The following PMEPA1 variants were observed in gnomAD, a reference collection of about 807,000 sequenced individuals.
The protein encoded by PMEPA1 is protein TMEPAI.
A neutral mutation model predicts 23.0 loss-of-function variants in PMEPA1; 11 were observed. The ratio of observed to expected loss-of-function variants is 0.48; its 90% CI spans 0.30 to 0.79. The LOEUF (loss-of-function observed/expected upper bound fraction) is 0.79. Ranked by LOEUF, PMEPA1 falls within the 30% of genes least tolerant of loss-of-function variation. PMEPA1 has a pLI of 0.06. For synonymous variants in PMEPA1, 204 were observed against 166.4 expected, an observed-to-expected ratio of 1.23 and a Z score of -1.74; for missense variants, 377 against 390.9, an observed-to-expected ratio of 0.96 and a Z score of 0.30.
chr20:57,706,540 T>C (rs949706328), intron 1 of PMEPA1, among the ~76,000 whole-genome samples: 11 of 151,902 alleles, frequency 7.2e-5, no homozygotes, highest in African/African-American at 2.7e-4. Context: ...CCCTCGACTC[T>C]CAGAAAAAAT....
In PMEPA1 at chr20:57,683,601, T is replaced by C. The variant is rs902559429; in HGVS notation, c.110-23904A>G. ...TGTGTGTGTTTCTTTTAAAAGTCTC[T>C]TCCCCTGAAAATACTTCATGTTGAT... is the stretch of plus-strand genomic sequence containing the variant. On this transcript the variant is annotated intron_variant, in intron 1 of 3. Transcript: ENST00000341744. This position sits in a 1 kb window ranked among gnomAD's most constrained non-coding sequence, Gnocchi z 4.3. 3.1e-5 allele frequency among the ~76,000 whole-genome samples: 4 copies of C among 130,566 alleles called. No homozygotes were observed. The highest frequency in any genetic ancestry group is 4.8e-5 in the Non-Finnish European group (3 of 62,674). 85.7% of individuals were successfully genotyped at this position (130,566 alleles called of 152,430 possible).
chr20:57,701,015 G>C (rs1042095443), intron 1 of PMEPA1, among the ~76,000 whole-genome samples: 1 of 150,240 alleles, frequency 6.7e-6, no homozygotes, highest in Non-Finnish European at 1.5e-5. Flanking sequence ...GGGTGACAGA[G>C]CAAGACTCCA....
At chr20:57,658,883 C>T (rs978965413) in intron 2 of PMEPA1, among the ~76,000 whole-genome samples, 1 of 152,192 alleles carries the variant, frequency 6.6e-6, no homozygotes, top group African/African-American at 2.4e-5. Context: ...ACCACTACCC[C>T]GGTGGGTAAG....
At chr20:57,666,649 C>T (rs1269755878) in intron 1 of PMEPA1, among the ~76,000 whole-genome samples, 1 of 152,218 alleles carries the variant, frequency 6.6e-6, no homozygotes, top group Non-Finnish European at 1.5e-5. Context: ...CCTGGCGTGT[C>T]GCCCCCAACG....
At chr20:57,705,152 C>T (rs903826629) in intron 1 of PMEPA1, among the ~76,000 whole-genome samples, 6 of 152,186 alleles carry the variant, frequency 3.9e-5, no homozygotes, top group African/African-American at 1.4e-4. Context: ...TGTGTCTGCA[C>T]GTGTGCGCAT....
Position 57,648,626 on chromosome 20 carries a change from G to C in PMEPA1, c.*3427C>G, listed in dbSNP as rs1271834945. On this transcript the variant is annotated 3_prime_UTR_variant, in exon 4 of 4. Coordinates refer to ENST00000341744, the MANE Select transcript of PMEPA1 (RefSeq NM_020182.5). ...GGAAATGGGGCTGCAAAGGAGAGCA[G>C]TTCCCACGCCAGGAACCAACGTGAA... 1 of 152,412 alleles carries C rather than the reference G, an allele frequency of 6.6e-6. No homozygotes were observed. The highest frequency in any genetic ancestry group is 1.5e-5 in the Non-Finnish European group (1 of 68,072). The allele number at this position is 152,412 out of a possible 1,614,324, so 9.4% of individuals were successfully genotyped here. A position where few individuals can be genotyped will look rare whatever the true frequency, so the allele number is the denominator to read the frequency against.
intron 1 of PMEPA1, among the ~76,000 whole-genome samples, chr20:57,668,162 G>A (rs1338944475): frequency 6.6e-6 from 1 of 152,144 alleles, no homozygotes; most frequent in East Asian, 1.9e-4. Flanking sequence ...TCCCATGTTG[G>A]GGAGGGACGC....
Position 57,692,049 on chromosome 20 carries a change from G to A in PMEPA1, c.109+17425C>T, listed in dbSNP as rs191320696. Among the ~76,000 whole-genome samples the A allele has an allele frequency of 7.2e-4, 109 of 152,240 alleles. 2 individuals are homozygous for A. Among genetic ancestry groups the A allele is most frequent in the Admixed American group, 5.8e-3 (88 of 15,304 alleles). ...CTCCCTTTTCACGGGTAGGTCCCGG[G>A]GCTTACGGAGCCACCACTCCTCCAA... On this transcript the variant is annotated intron_variant, in intron 1 of 3. Transcript: ENST00000341744.
chr20:57,698,166 C>A (rs542344688), intron 1 of PMEPA1, among the ~76,000 whole-genome samples: 58 of 152,228 alleles, frequency 3.8e-4, no homozygotes, highest in Non-Finnish European at 7.6e-4. Flanking sequence ...AGAGATACAC[C>A]CGAGATAGGA....
chr20:57,709,618 C>T lies in PMEPA1; in HGVS notation c.-36G>A, dbSNP rs1355463958. ...GCGGCGCGGCGCGGGGCGCGGGGGGCTCGGGGGCGGCCGGGGGGGGCTCCG... is the reference window on the plus strand; with the variant it reads ...GCGGCGCGGCGCGGGGCGCGGGGGGTTCGGGGGCGGCCGGGGGGGGCTCCG... On this transcript the variant is annotated 5_prime_UTR_variant, in exon 1 of 4. Transcript: ENST00000341744. The T allele has an allele frequency of 2.6e-5, 22 of 841,918 alleles. No individual in the cohort carries two copies. The highest frequency in any genetic ancestry group is 3.0e-5 in the Non-Finnish European group (21 of 696,790). 52.2% of individuals were successfully genotyped at this position (841,918 alleles called of 1,614,324 possible).
intron 1 of PMEPA1, among the ~76,000 whole-genome samples, chr20:57,661,263 T>C (rs2071414872): frequency 6.6e-6 from 1 of 152,122 alleles, no homozygotes; most frequent in Non-Finnish European, 1.5e-5. Flanking sequence ...CTCAAGCGGG[T>C]CTGTGCCGAA....
At position 57,655,679 on chromosome 20, in the gene PMEPA1, C is replaced by T. The variant is rs921031252; in HGVS notation, c.265-2593G>A. ...ATCCTACAGCCACTGCTGACGAGCC[C>T]CCTGCTCCCAGCAGCCTCCAACCAC... is the stretch of plus-strand genomic sequence containing the variant. On this transcript the variant is annotated intron_variant, in intron 2 of 3. Coordinates refer to ENST00000341744, the MANE Select transcript of PMEPA1 (RefSeq NM_020182.5). This position sits in a 1 kb window ranked among gnomAD's most constrained non-coding sequence, Gnocchi z 4.2. Among the ~76,000 whole-genome samples the T allele has an allele frequency of 3.2e-4, 48 of 152,204 alleles. No homozygotes were observed. The highest frequency in any genetic ancestry group is 6.5e-4 in the Non-Finnish European group (44 of 68,038).
intron 1 of PMEPA1, among the ~76,000 whole-genome samples, chr20:57,671,259 T>C (rs1477571771): frequency 6.6e-6 from 1 of 152,130 alleles, no homozygotes; most frequent in Non-Finnish European, 1.5e-5. Context: ...GAGCGAGCAG[T>C]CAGTGGACAT....
rs3795102 is a variant in PMEPA1 at position 57,683,075 on chromosome 20, C to T, written c.110-23378G>A. On this transcript the variant is annotated intron_variant, in intron 1 of 3. Transcript: ENST00000341744. This position sits in a 1 kb window ranked among gnomAD's most constrained non-coding sequence, Gnocchi z 4.3. ...ATGTCATCTCTCACGCCGCAGTCTC[C>T]GGGGGCATTTACGCCACACTTGTCC... 0.049 allele frequency among the ~76,000 whole-genome samples: 7,516 copies of T among 152,230 alleles called. 484 individuals are homozygous for T. The highest frequency in any genetic ancestry group is 0.25 in the East Asian group (1,274 of 5,162).
intron 1 of PMEPA1, among the ~76,000 whole-genome samples, chr20:57,668,372 T>C (rs2071522746): frequency 6.6e-6 from 1 of 152,212 alleles, no homozygotes; most frequent in Non-Finnish European, 1.5e-5. Flanking sequence ...GGTACCCTCA[T>C]CTGAGAAGAA....
chr20:57,673,890 T>C (rs1358484218), intron 1 of PMEPA1, among the ~76,000 whole-genome samples: 1 of 152,198 alleles, frequency 6.6e-6, no homozygotes, highest in African/African-American at 2.4e-5. Flanking sequence ...CTGGGCTTGT[T>C]TTCCCACCTT....
chr20:57,700,570 G>A (rs1303159008), intron 1 of PMEPA1, among the ~76,000 whole-genome samples: 2 of 152,190 alleles, frequency 1.3e-5, no homozygotes, highest in Admixed American at 1.3e-4. Context: ...TCTTGCTGAT[G>A]GTGAAGAGTT....
At chr20:57,690,475 T>C in intron 1 of PMEPA1, 2 of 1,303,496 alleles carry the variant, frequency 1.5e-6, no homozygotes. Flanking sequence ...AAATAAGGAG[T>C]GTATATCACT....
intron 1 of PMEPA1, among the ~76,000 whole-genome samples, chr20:57,662,845 C>T (rs963906344): frequency 1.3e-5 from 2 of 152,110 alleles, no homozygotes; most frequent in African/African-American, 4.8e-5. Context: ...CTGTTTTTGT[C>T]CCTGTCCCGG....
Sources: gnomAD v4.1 joint callset for allele counts (sites outside exome capture counted in the v4.1 genomes callset) on GRCh38, gnomAD v4.1.1 for gene constraint, Gnocchi (gnomAD v3.1) non-coding constraint, MANE v1.5 for transcripts, NCBI Gene and HGNC (gene_info 2026-07-23, HGNC 2026-07-21) for gene names.